TOMM40L: variants seen among roughly 807,000 people sequenced by gnomAD.
TOMM40L encodes mitochondrial import receptor subunit TOM40B.
Under a neutral mutation model 38.3 loss-of-function variants are expected in TOMM40L, and 17 were observed. The ratio of observed to expected loss-of-function variants is 0.44; its 90% CI spans 0.30 to 0.67. The LOEUF (loss-of-function observed/expected upper bound fraction) is 0.67. TOMM40L is among the 30% of genes least tolerant of loss of function. The pLI, the probability that TOMM40L is intolerant of heterozygous loss-of-function variation, is 0.08. For synonymous variants in TOMM40L, 151 were observed against 150.2 expected (o/e 1.01, Z -0.04); for missense variants, 294 against 390.0 (o/e 0.75, Z 2.07).
chr1:161,228,876 G>C, intron 9 of TOMM40L, 59 bp downstream of exon 9: 4 of 1,613,580 alleles, frequency 2.5e-6, no homozygotes, highest in Non-Finnish European at 3.4e-6. Context: ...AGAGGAGGGA[G>C]GGAAGCTCGA....
In TOMM40L at chr1:161,229,370, T is replaced by A; in HGVS notation, c.*275T>A. 1.5e-5 allele frequency: 9 copies of A among 613,912 alleles called. No individual in the cohort carries two copies. The South Asian group carries it at 1.6e-4, about 11-fold the overall frequency. 38.0% of individuals were successfully genotyped at this position (613,912 alleles called of 1,614,324 possible). Reference sequence around the variant, plus strand: ...ACTAAGGGAGAAGGATTAAGGGGTATGGCTGAATTCCCCCGGCACCCCTTG... The same window carrying A: ...ACTAAGGGAGAAGGATTAAGGGGTAAGGCTGAATTCCCCCGGCACCCCTTG... On this transcript the variant is annotated 3_prime_UTR_variant, in exon 10 of 10. Transcript: ENST00000367988.
In TOMM40L at chr1:161,229,553, G is replaced by T; in HGVS notation, c.*458G>T. On this transcript the variant is annotated 3_prime_UTR_variant, in exon 10 of 10. Transcript: ENST00000367988. ...TGGGGCCCACCCATTCCCAGAAGGAGCTTCTTTACCTCTTAGCCCTGAGGT... is the reference window on the plus strand; with the variant it reads ...TGGGGCCCACCCATTCCCAGAAGGATCTTCTTTACCTCTTAGCCCTGAGGT... 7.5e-7 allele frequency: 1 copy of T among 1,327,988 alleles called. No individual in the cohort carries two copies. Among genetic ancestry groups the T allele is most frequent in the Non-Finnish European group, 1.0e-6 (1 of 965,612 alleles). The allele number at this position is 1,327,988 out of a possible 1,614,324, so 82.3% of individuals were successfully genotyped here. A position where few individuals can be genotyped will look rare whatever the true frequency, so the allele number is the denominator to read the frequency against.
At position 161,228,344 on chromosome 1, in the gene TOMM40L, G is replaced by A. The variant is rs950676338; in HGVS notation, c.607+36G>A. On this transcript the variant is annotated intron_variant, in intron 7 of 9. Coordinates refer to ENST00000367988, the MANE Select transcript of TOMM40L (RefSeq NM_032174.6). ...AAGTGAAGTAGTGGTGGTGGTGGGG[G>A]GCAATTCTGGACTTTTCTGGGGTTC... 3.1e-6 allele frequency: 5 copies of A among 1,609,230 alleles called. No individual in the cohort carries two copies. The African/African-American group carries it at 6.7e-5, about 22-fold the overall frequency.
intron 4 of TOMM40L, 42 bp from the exon 5 acceptor site, chr1:161,227,594 G>A (rs1185509125): frequency 1.9e-6 from 3 of 1,549,436 alleles, no homozygotes; most frequent in Non-Finnish European, 2.7e-6. Flanking sequence ...GCTGAGTGGT[G>A]CCATCCGGCT....
In TOMM40L at chr1:161,229,396, C is replaced by T. The variant is rs1666620749; in HGVS notation, c.*301C>T. On this transcript the variant is annotated 3_prime_UTR_variant, in exon 10 of 10. Coordinates refer to ENST00000367988, the MANE Select transcript of TOMM40L (RefSeq NM_032174.6). Reference sequence around the variant, plus strand: ...GGCTGAATTCCCCCGGCACCCCTTGCCCTCAGGCTTCCTTCTTCCTTTCCC... The same window carrying T: ...GGCTGAATTCCCCCGGCACCCCTTGTCCTCAGGCTTCCTTCTTCCTTTCCC... 6.5e-6 allele frequency: 4 copies of T among 613,070 alleles called. No individual in the cohort carries two copies. Among genetic ancestry groups the T allele is most frequent in the Non-Finnish European group, 8.5e-6 (3 of 352,906 alleles). The allele number at this position is 613,070 out of a possible 1,614,324, so 38.0% of individuals were successfully genotyped here. A position where few individuals can be genotyped will look rare whatever the true frequency, so the allele number is the denominator to read the frequency against.
chr1:161,228,884 C>T lies in TOMM40L; in HGVS notation c.787+67C>T, dbSNP rs979023866. 2.2e-5 allele frequency: 35 copies of T among 1,613,368 alleles called. No individual in the cohort carries two copies. The East Asian group carries it at 3.3e-4, about 15-fold the overall frequency. ...GGGATGCAGAGGAGGGAGGGAAGCT[C>T]GACCTTACTTCTGGTGACTATTTCC... On this transcript the variant is annotated intron_variant, in intron 9 of 9. Transcript: ENST00000367988.
In TOMM40L at chr1:161,226,537, G is replaced by A; in HGVS notation, c.48G>A (p.Arg16=). The A allele has an allele frequency of 6.2e-7, 1 of 1,614,104 alleles. No homozygotes were observed. Among genetic ancestry groups the A allele is most frequent in the South Asian group, 1.1e-5 (1 of 91,080 alleles). The change falls in exon 2 of 10, where the codon CGG becomes CGA. Residue 16 remains arginine (R), a synonymous_variant. Coordinates refer to ENST00000367988, the MANE Select transcript of TOMM40L (RefSeq NM_032174.6). ...CACCAATGGGGACTTTGCCCCGCCG[G>A]AGCCCCCGCCGAGAGGAACCCCTGC... is the stretch of plus-strand genomic sequence containing the variant. ...GLAPMGTLPR[R]SPRREEPLPN...
chr1:161,228,499 G>A lies in TOMM40L; in HGVS notation c.679G>A (p.Glu227Lys). 2.5e-6 allele frequency: 4 copies of A among 1,614,132 alleles called. No individual in the cohort carries two copies. The highest frequency in any genetic ancestry group is 2.5e-6 in the Non-Finnish European group (3 of 1,180,010). The change falls in exon 8 of 10, where the codon GAA (glutamate) becomes AAA (lysine). Residue 227 changes from glutamate (E) to lysine (K), a missense_variant. Glu to Lys is a moderately conservative substitution (Grantham distance 56, BLOSUM62 1). Transcript: ENST00000367988. ...TGCAAGTTACTACCACAGGGCAAATGAACAGGTGAGACCTCTGATCTCATT... is the reference window on the plus strand; with the variant it reads ...TGCAAGTTACTACCACAGGGCAAATAAACAGGTGAGACCTCTGATCTCATT... ...AHASYYHRAN[E>K]QVQVGVEFEA...
Position 161,227,623 on chromosome 1 carries a change from C to T in TOMM40L, c.277-13C>T. On this transcript the variant is annotated splice_polypyrimidine_tract_variant and intron_variant, in intron 4 of 9. Transcript: ENST00000367988. ...TCCGGCTCAGCCTTACTACTGTGTACACCCTTCCACAGGTGTTCCCCACTG... is the reference window on the plus strand; with the variant it reads ...TCCGGCTCAGCCTTACTACTGTGTATACCCTTCCACAGGTGTTCCCCACTG... The T allele has an allele frequency of 1.2e-6, 2 of 1,609,540 alleles. No individual in the cohort carries two copies. Among genetic ancestry groups the T allele is most frequent in the African/African-American group, 1.3e-5 (1 of 74,948 alleles).
Position 161,226,927 on chromosome 1 carries a change from T to A in TOMM40L, c.155T>A (p.Val52Asp). Residue 52 changes from valine to aspartate, a missense_variant, in exon 3 of 10, where the codon GTC becomes GAC. Transcript: ENST00000367988. ...PAQMEGVKLV[V>D]NKVLSSHFQV... ...CAGATGGAGGGAGTGAAGCTCGTTG[T>A]CAACAAGGTTCTGAGCAGCCATTTC... The A allele has an allele frequency of 6.2e-7, 1 of 1,614,204 alleles. No homozygotes were observed. The highest frequency in any genetic ancestry group is 8.5e-7 in the Non-Finnish European group (1 of 1,180,034).
rs1350947451 is a variant in TOMM40L at position 161,230,037 on chromosome 1, GA to G, written c.*944del. On this transcript the variant is annotated 3_prime_UTR_variant, in exon 10 of 10. Coordinates refer to ENST00000367988, the MANE Select transcript of TOMM40L (RefSeq NM_032174.6). ...ACTATTCCTCAGTGAAGCCAGGTCT[GA>G]ACATTAGAGAAAATCATGCTCTGGT... 2.2e-5 allele frequency: 28 copies of G among 1,281,626 alleles called. No individual in the cohort carries two copies. The Middle Eastern group carries it at 7.9e-4, about 36-fold the overall frequency. 79.4% of individuals were successfully genotyped at this position (1,281,626 alleles called of 1,614,324 possible). A position where few individuals can be genotyped will look rare whatever the true frequency, so the allele number is the denominator to read the frequency against.
In TOMM40L at chr1:161,229,705, T is replaced by G. The variant is rs752324753; in HGVS notation, c.*610T>G. The G allele has an allele frequency of 6.0e-5, 97 of 1,614,050 alleles. No individual in the cohort carries two copies. The South Asian group carries it at 1.0e-3, about 17-fold the overall frequency. ...TTTCATTGCAACCACTGGGCTCCCT[T>G]TGAACCCGGCCCAATCTTTGGTCCC... On this transcript the variant is annotated 3_prime_UTR_variant, in exon 10 of 10. Coordinates refer to ENST00000367988, the MANE Select transcript of TOMM40L (RefSeq NM_032174.6).
In TOMM40L at chr1:161,229,908, C is replaced by T. The variant is rs373127924; in HGVS notation, c.*813C>T. 6.2e-7 allele frequency: 1 copy of T among 1,614,084 alleles called. No homozygotes were observed. The highest frequency in any genetic ancestry group is 1.3e-5 in the African/African-American group (1 of 74,936). ...TCCGGAGCTCAGCCAGCAGGCCTAGCAACTTCGCATACAGAAACCTTTGGA... is the reference window on the plus strand; with the variant it reads ...TCCGGAGCTCAGCCAGCAGGCCTAGTAACTTCGCATACAGAAACCTTTGGA... On this transcript the variant is annotated 3_prime_UTR_variant, in exon 10 of 10. Transcript: ENST00000367988.
Position 161,228,779 on chromosome 1 carries a change from A to G in TOMM40L, c.749A>G (p.Tyr250Cys). Residue 250 changes from tyrosine to cysteine, a missense_variant, in exon 9 of 10, where the codon TAC becomes TGC. Physicochemically the swap from Tyr to Cys is radical, Grantham distance 194. Transcript: ENST00000367988. ...CAAGACACAACATTCTCCTTTGGTT[A>G]CCACCTGACTCTGCCCCAGGCCAAC... The part of the protein sequence containing the change: ...RLQDTTFSFG[Y>C]HLTLPQANMV... 1 of 1,614,162 alleles carries G rather than the reference A, an allele frequency of 6.2e-7. No individual in the cohort carries two copies. The highest frequency in any genetic ancestry group is 8.5e-7 in the Non-Finnish European group (1 of 1,180,028).
At chr1:161,228,839 T>C (rs779528896) in intron 9 of TOMM40L, 22 bp downstream of exon 9, 16 of 1,614,052 alleles carry the variant, frequency 9.9e-6, no homozygotes, top group Non-Finnish European at 1.2e-5. Context: ...TGGGAGACAT[T>C]TGGCTATCCT....
At chr1:161,228,163 C>T (rs1666503816) in intron 6 of TOMM40L, 23 bp from the exon 7 acceptor site, 2 of 1,570,278 alleles carry the variant, frequency 1.3e-6, no homozygotes, top group Non-Finnish European at 1.7e-6. Context: ...TGACTGACTC[C>T]ATGTCTCCCC....
In TOMM40L at chr1:161,227,296, G is replaced by A. The variant is rs765300819; in HGVS notation, c.222G>A (p.Pro74=). The A allele has an allele frequency of 1.9e-6, 3 of 1,614,016 alleles. No individual in the cohort carries two copies. Among genetic ancestry groups the A allele is most frequent in the African/African-American group, 2.7e-5 (2 of 74,896 alleles). ...HTIHMSALGL[P]GYHLHAAYAG... ...TACACATGAGTGCCCTGGGCTTGCC[G>A]GGATATCACCTCCATGCGGCCTATG... The change falls in exon 4 of 10, where the codon CCG becomes CCA. Residue 74 remains proline (P), a synonymous_variant. Coordinates refer to ENST00000367988, the MANE Select transcript of TOMM40L (RefSeq NM_032174.6).
chr1:161,227,881 C>T lies in TOMM40L; in HGVS notation c.379-3C>T. The T allele has an allele frequency of 6.2e-7, 1 of 1,614,100 alleles. No individual in the cohort carries two copies. The highest frequency in any genetic ancestry group is 8.5e-7 in the Non-Finnish European group (1 of 1,179,976). The stretch of plus-strand genomic sequence containing the variant: ...GATTTTACTTCTTGCTCTTGCCACC[C>T]AGACGCAGCAGGCCAAGTTCCTGAC... On this transcript the variant is annotated splice_polypyrimidine_tract_variant and splice_region_variant and intron_variant, in intron 5 of 9. Coordinates refer to ENST00000367988, the MANE Select transcript of TOMM40L (RefSeq NM_032174.6).
chr1:161,227,857 A>AT (rs2102079002), intron 5 of TOMM40L, 27 bp from the exon 6 acceptor site: 2 of 1,612,428 alleles, frequency 1.2e-6, no homozygotes, highest in South Asian at 2.2e-5. Flanking sequence ...AGGGAGGGAG[A>AT]TTTTACTTCT....
Sources: allele counts gnomAD v4.1 joint callset, GRCh38; gene constraint gnomAD v4.1.1; transcripts MANE v1.5; gene names NCBI Gene and HGNC (gene_info 2026-07-23, HGNC 2026-07-21).